AGBL4: variants seen among roughly 807,000 people sequenced by gnomAD.
AGBL4 encodes cytosolic carboxypeptidase 6.
In AGBL4, 58 loss-of-function variants were observed where a neutral mutation model predicts 66.4. The observed-to-expected ratio is 0.87, with a 90% confidence interval of 0.71 to 1.09. AGBL4 has a LOEUF of 1.09. Among genes scored for constraint, AGBL4 ranks in the 50% least tolerant of loss-of-function variants. The pLI, the probability that AGBL4 is intolerant of heterozygous loss-of-function variation, is 0.00. For synonymous variants in AGBL4, 234 were observed against 222.9 expected (o/e 1.05, Z -0.44); for missense variants, 579 against 631.0 (o/e 0.92, Z 0.88).
chr1:49,789,945 A>G (rs1288539726), intron 2 of AGBL4, among the ~76,000 whole-genome samples: 3 of 152,222 alleles, frequency 2.0e-5, no homozygotes, highest in African/African-American at 7.2e-5. Flanking sequence ...ACAAGGCTAC[A>G]GTAACCAAAC....
Position 49,745,887 on chromosome 1 carries a change from C to T in AGBL4, c.158-48450G>A, listed in dbSNP as rs202192541. Among the ~76,000 whole-genome samples, 3 of 151,806 alleles carry T rather than the reference C, an allele frequency of 2.0e-5. No homozygotes were observed. In the East Asian group the frequency reaches 5.8e-4, roughly 29 times the overall value. On this transcript the variant is annotated intron_variant, in intron 2 of 13. Coordinates refer to ENST00000371839, the MANE Select transcript of AGBL4 (RefSeq NM_032785.4). The stretch of plus-strand genomic sequence containing the variant: ...AACAAAAAAACCCAACTAGACTTAA[C>T]AGAAAACTACAGAACACTGTACCCC...
intron 3 of AGBL4, among the ~76,000 whole-genome samples, chr1:49,495,530 T>C (rs1427824526): frequency 2.0e-5 from 3 of 151,886 alleles, no homozygotes; most frequent in African/African-American, 7.2e-5. Flanking sequence ...GTGTGGATTT[T>C]TGATTTCAGA....
At chr1:49,119,815 A>C (rs1274831350) in intron 4 of AGBL4, among the ~76,000 whole-genome samples, 3 of 152,124 alleles carry the variant, frequency 2.0e-5, no homozygotes, top group Non-Finnish European at 4.4e-5. Context: ...TAGGAGTCTA[A>C]GTCTCTTTGT....
chr1:48,771,001 T>G (rs943949604), intron 6 of AGBL4, among the ~76,000 whole-genome samples: 1 of 152,190 alleles, frequency 6.6e-6, no homozygotes, highest in Admixed American at 6.5e-5. Flanking sequence ...TCTCTTTTCT[T>G]GGGTAAAACA....
At chr1:49,713,759 A>G (rs1647852942) in intron 2 of AGBL4, among the ~76,000 whole-genome samples, 1 of 152,064 alleles carries the variant, frequency 6.6e-6, no homozygotes, top group South Asian at 2.1e-4. Flanking sequence ...AGTCTTGTAC[A>G]AAGGAGGAAC....
At chr1:48,619,612 G>T (rs924050542) in intron 9 of AGBL4, among the ~76,000 whole-genome samples, 4 of 152,128 alleles carry the variant, frequency 2.6e-5, no homozygotes, top group Non-Finnish European at 5.9e-5. Flanking sequence ...ATAAAGATTC[G>T]CCTTAGCAGT....
intron 9 of AGBL4, among the ~76,000 whole-genome samples, chr1:48,623,046 G>A (rs1222137320): frequency 6.6e-6 from 1 of 152,158 alleles, no homozygotes; most frequent in African/African-American, 2.4e-5. Flanking sequence ...AAAATGGAGA[G>A]AAGCCCCCTC....
chr1:49,484,296 T>C (rs1299793510), intron 3 of AGBL4, among the ~76,000 whole-genome samples: 1 of 152,042 alleles, frequency 6.6e-6, no homozygotes, highest in Non-Finnish European at 1.5e-5. Flanking sequence ...ATATCTGAAC[T>C]CCCATGTTTA....
chr1:48,899,727 C>A (rs1381306586), intron 5 of AGBL4, among the ~76,000 whole-genome samples: 1 of 152,188 alleles, frequency 6.6e-6, no homozygotes, highest in African/African-American at 2.4e-5. Flanking sequence ...CAACTTTATT[C>A]TTTCATTCAT....
chr1:49,682,743 T>C (rs1049860202), intron 3 of AGBL4, among the ~76,000 whole-genome samples: 5 of 152,218 alleles, frequency 3.3e-5, no homozygotes, highest in Non-Finnish European at 7.3e-5. Flanking sequence ...ATTTTGAAAT[T>C]CTTCATATTA....
chr1:49,837,543 C>A lies in AGBL4; in HGVS notation c.157+13853G>T, dbSNP rs546204896. 1.6e-3 allele frequency among the ~76,000 whole-genome samples: 248 copies of A among 152,282 alleles called. 1 individual carries two copies. Among genetic ancestry groups the A allele is most frequent in the African/African-American group, 5.6e-3 (232 of 41,568 alleles). On this transcript the variant is annotated intron_variant, in intron 2 of 13. Transcript: ENST00000371839. ...ACTGCTCCACTAGTGTCAACTATGA[C>A]AATTAAAACAGAGCTTCTCCTGGCC...
Position 48,894,725 on chromosome 1 carries a change from A to G in AGBL4, c.595-27495T>C, listed in dbSNP as rs1238057166. The stretch of plus-strand genomic sequence containing the variant: ...AATAAATATGAAAACATGAATCTCC[A>G]TTATTTCTGGATAGGATTACAGGCA... On this transcript the variant is annotated intron_variant, in intron 5 of 13. Transcript: ENST00000371839. 3.3e-4 allele frequency among the ~76,000 whole-genome samples: 50 copies of G among 152,176 alleles called. 1 individual carries two copies. Among genetic ancestry groups the G allele is most frequent in the Admixed American group, 3.3e-3 (50 of 15,276 alleles).
chr1:48,522,591 G>T, the AGBL4 span, among the ~76,000 whole-genome samples: 1 of 152,140 alleles, frequency 6.6e-6, no homozygotes. Context: ...CTACTGCACG[G>T]TGATGTTAAT....
chr1:48,690,650 T>TG (rs1646614601), intron 6 of AGBL4, among the ~76,000 whole-genome samples: 1 of 152,038 alleles, frequency 6.6e-6, no homozygotes, highest in Non-Finnish European at 1.5e-5. Flanking sequence ...CGTCCTATTT[T>TG]TCCATACAAA....
chr1:49,311,804 G>C (rs1043627239), intron 3 of AGBL4, among the ~76,000 whole-genome samples: 2 of 151,832 alleles, frequency 1.3e-5, no homozygotes, highest in African/African-American at 4.8e-5. Flanking sequence ...TAAAAAAAGA[G>C]TAATAAAGGG....
At chr1:49,917,952 C>G (rs1342442356) in intron 1 of AGBL4, among the ~76,000 whole-genome samples, 1 of 152,160 alleles carries the variant, frequency 6.6e-6, no homozygotes, top group Admixed American at 6.5e-5. Context: ...GCTCAACTAC[C>G]TAGAAACTGA....
intron 3 of AGBL4, among the ~76,000 whole-genome samples, chr1:49,633,762 T>C (rs1645615829): frequency 6.6e-6 from 1 of 150,984 alleles, no homozygotes; most frequent in African/African-American, 2.4e-5. Context: ...CAAATATTAC[T>C]TTAAATACAT....
intron 2 of AGBL4, among the ~76,000 whole-genome samples, chr1:49,758,871 G>T (rs1652098274): frequency 6.6e-6 from 1 of 152,014 alleles, no homozygotes; most frequent in African/African-American, 2.4e-5. Context: ...GATTTTGGAG[G>T]GGCCAGAGGC....
chr1:49,304,966 G>T lies in AGBL4; in HGVS notation c.283-59102C>A, dbSNP rs117163612. On this transcript the variant is annotated intron_variant, in intron 3 of 13. Transcript: ENST00000371839. ...GCTATCTGCTGAACATTTTCTATGT[G>T]CCAAAACTGTTCTACGTACTTTATA... 7.9e-3 allele frequency among the ~76,000 whole-genome samples: 1,199 copies of T among 152,144 alleles called. 8 individuals carry two copies. The highest frequency in any genetic ancestry group is 0.031 in the Middle Eastern group (9 of 294).
Sources: gnomAD v4.1 joint callset for allele counts (sites outside exome capture counted in the v4.1 genomes callset) on GRCh38, gnomAD v4.1.1 for gene constraint, MANE v1.5 for transcripts, NCBI Gene and HGNC (gene_info 2026-07-23, HGNC 2026-07-21) for gene names.